Variants in NLGN1 observed in about 807,000 individuals in gnomAD.
NLGN1 encodes the protein neuroligin 1.
NLGN1 carries 12 observed loss-of-function variants against 65.5 expected under a neutral mutation model. That is an observed-to-expected ratio of 0.18 (90% CI 0.12 to 0.30). The LOEUF is 0.30. Ranked by LOEUF, NLGN1 falls within the 10% of genes least tolerant of loss-of-function variation. The pLI is 1.00. For synonymous variants in NLGN1, 350 were observed against 359.5 expected, an observed-to-expected ratio of 0.97 and a Z score of 0.30; for missense variants, 750 against 1,007.1, an observed-to-expected ratio of 0.74 and a Z score of 3.46.
At chr3:173,639,615 A>G (rs1168735280) in intron 3 of NLGN1, among the ~76,000 whole-genome samples, 2 of 152,184 alleles carry the variant, frequency 1.3e-5, no homozygotes, top group African/African-American at 2.4e-5. Flanking sequence ...GATGATCAGA[A>G]CAAGACTTAG....
chr3:173,816,080 T>A (rs1199119635), intron 4 of NLGN1, among the ~76,000 whole-genome samples: 1 of 142,598 alleles, frequency 7.0e-6, no homozygotes, highest in Non-Finnish European at 1.5e-5. Context: ...TATATTTAAA[T>A]TTTTAATAAT....
intron 4 of NLGN1, among the ~76,000 whole-genome samples, chr3:173,898,040 A>T (rs1285889984): frequency 6.6e-6 from 1 of 152,178 alleles, no homozygotes; most frequent in Non-Finnish European, 1.5e-5. Flanking sequence ...GCAAAAAAAA[A>T]TCCTAATAAA....
At chr3:173,615,743 GT>G (rs5854521) in intron 3 of NLGN1, among the ~76,000 whole-genome samples, 98,110 of 141,474 alleles carry the variant, frequency 0.69, 33,978 homozygotes, top group East Asian at 0.75. Context: ...CCATCCATCT[GT>G]TTTTTTTTTT....
chr3:173,798,056 C>G (rs1044164013), intron 3 of NLGN1, among the ~76,000 whole-genome samples: 1 of 152,030 alleles, frequency 6.6e-6, no homozygotes, highest in African/African-American at 2.4e-5. Flanking sequence ...CAAGAGAGAG[C>G]TCTTATAGAG....
chr3:174,154,802 T>C (rs553384999), intron 4 of NLGN1, among the ~76,000 whole-genome samples: 2 of 137,688 alleles, frequency 1.5e-5, no homozygotes, highest in Non-Finnish European at 3.0e-5. Flanking sequence ...ATATATGTTG[T>C]AGATAAAGAT....
At chr3:173,874,253 G>C (rs1731714625) in intron 4 of NLGN1, among the ~76,000 whole-genome samples, 1 of 152,170 alleles carries the variant, frequency 6.6e-6, no homozygotes, top group African/African-American at 2.4e-5. Context: ...TGGGCTGTCA[G>C]CTATTCCCCT....
chr3:173,852,379 A>C (rs887702081), intron 4 of NLGN1, among the ~76,000 whole-genome samples: 376 of 148,814 alleles, frequency 2.5e-3, no homozygotes, highest in Non-Finnish European at 4.3e-3. Flanking sequence ...AAAAAAAAAA[A>C]AAAAAAAAAG....
chr3:173,995,377 C>A (rs2152419072), intron 4 of NLGN1, among the ~76,000 whole-genome samples: 1 of 152,244 alleles, frequency 6.6e-6, no homozygotes, highest in South Asian at 2.1e-4. Flanking sequence ...CTCCTCAGTT[C>A]TTGAGTTATA....
intron 4 of NLGN1, among the ~76,000 whole-genome samples, chr3:173,815,602 C>T (rs188609494): frequency 4.6e-5 from 7 of 152,236 alleles, no homozygotes; most frequent in African/African-American, 1.4e-4. Context: ...CTGACTGCTT[C>T]GTCTCAGTCT....
At chr3:173,916,557 A>G (rs1740768273) in intron 4 of NLGN1, among the ~76,000 whole-genome samples, 1 of 152,184 alleles carries the variant, frequency 6.6e-6, no homozygotes, top group African/African-American at 2.4e-5. Flanking sequence ...CATGAAAGCC[A>G]TTAGATATGG....
At chr3:173,726,807 T>G (rs1771865093) in intron 3 of NLGN1, among the ~76,000 whole-genome samples, 1 of 109,912 alleles carries the variant, frequency 9.1e-6, no homozygotes, top group Non-Finnish European at 2.2e-5. Context: ...ACTACTTTAT[T>G]GCTTTTTTAT....
chr3:174,176,104 T>G (rs1309615022), intron 4 of NLGN1, among the ~76,000 whole-genome samples: 1 of 151,966 alleles, frequency 6.6e-6, no homozygotes, highest in Non-Finnish European at 1.5e-5. Flanking sequence ...TTTCTGGCCC[T>G]GAAATCAGGC....
At chr3:173,521,394 A>G (rs1734734820) in intron 2 of NLGN1, among the ~76,000 whole-genome samples, 1 of 152,344 alleles carries the variant, frequency 6.6e-6, no homozygotes, top group South Asian at 2.1e-4. Context: ...CTAGCCTTCT[A>G]TCCCTACAAA....
At chr3:174,168,906 T>A (rs1728032497) in intron 4 of NLGN1, among the ~76,000 whole-genome samples, 1 of 151,838 alleles carries the variant, frequency 6.6e-6, no homozygotes, top group South Asian at 2.1e-4. Flanking sequence ...GGATAGGGGG[T>A]GGTCTAAACT....
At chr3:173,901,350 A>G (rs1297072385) in intron 4 of NLGN1, among the ~76,000 whole-genome samples, 1 of 147,172 alleles carries the variant, frequency 6.8e-6, no homozygotes, top group Non-Finnish European at 1.5e-5. Context: ...TATTTGAAAA[A>G]CTAGTATTTT....
chr3:173,587,752 T>C (rs17178815), intron 2 of NLGN1, among the ~76,000 whole-genome samples: 4,774 of 152,190 alleles, frequency 0.031, 96 homozygotes, highest in Non-Finnish European at 0.05. Context: ...AGAAATAACA[T>C]TGGATTCCTC....
intron 4 of NLGN1, among the ~76,000 whole-genome samples, chr3:173,833,298 A>G (rs1351302566): frequency 6.6e-6 from 1 of 152,206 alleles, no homozygotes; most frequent in Non-Finnish European, 1.5e-5. Flanking sequence ...GGTTTAAAAT[A>G]TATGTCAATT....
intron 3 of NLGN1, among the ~76,000 whole-genome samples, chr3:173,748,560 G>A (rs896182046): frequency 6.6e-6 from 1 of 152,100 alleles, no homozygotes; most frequent in Non-Finnish European, 1.5e-5. Context: ...GAAAAAGGAT[G>A]AATGCAAGAA....
chr3:173,531,831 C>T (rs1736625414), intron 2 of NLGN1, among the ~76,000 whole-genome samples: 1 of 152,094 alleles, frequency 6.6e-6, no homozygotes, highest in African/African-American at 2.4e-5. Context: ...AAGTCCTCTG[C>T]TCTTTTTTGC....
Sources: gnomAD v4.1 joint callset for allele counts (sites outside exome capture counted in the v4.1 genomes callset) on GRCh38, gnomAD v4.1.1 for gene constraint, MANE v1.5 for transcripts, NCBI Gene and HGNC (gene_info 2026-07-23, HGNC 2026-07-21) for gene names.